The following MZT2A variants were observed in gnomAD, a reference collection of about 807,000 sequenced individuals.
MZT2A encodes mitotic-spindle organizing protein 2A.
Under a neutral mutation model 12.4 loss-of-function variants are expected in MZT2A, and 8 were observed. That is an observed-to-expected ratio of 0.64 (90% CI 0.38 to 1.16). MZT2A has a LOEUF of 1.16. Among genes scored for constraint, MZT2A ranks in the 50% most tolerant of loss-of-function variants. The probability of loss-of-function intolerance (pLI) is 0.01; values close to 1 mark genes in which losing one functional copy is unlikely to be tolerated. For missense variants in MZT2A, 181 were observed against 223.6 expected (o/e 0.81, Z 1.22); for synonymous variants, 88 against 107.5 (o/e 0.82, Z 1.12).
upstream of MZT2A, chr2:131,492,975 T>G: frequency 6.6e-7 from 1 of 1,523,402 alleles, no homozygotes; most frequent in Non-Finnish European, 8.9e-7. Context: ...CCGGCCTTCT[T>G]CGCTTTGCGC....
chr2:131,478,150 G>A (rs1239711878), intron 2 of MZT2A: 1 of 1,608,996 alleles, frequency 6.2e-7, no homozygotes, highest in South Asian at 1.1e-5. Context: ...TCACTTTTAT[G>A]TTCCTGTTCA....
upstream of MZT2A, among the ~76,000 whole-genome samples, chr2:131,493,403 T>G (rs1314967192): frequency 2.0e-5 from 3 of 152,134 alleles, no homozygotes; most frequent in African/African-American, 7.2e-5. Context: ...TTACCCGTCG[T>G]TGAAGGAATT....
chr2:131,478,244 T>C (rs1678740102), intron 2 of MZT2A: 2 of 1,614,082 alleles, frequency 1.2e-6, no homozygotes, highest in East Asian at 4.5e-5. Context: ...GCCTTGAACA[T>C]GGAATTCAGC....
chr2:131,489,885 C>T, intron 2 of MZT2A: 1 of 973,484 alleles, frequency 1.0e-6, no homozygotes, highest in Non-Finnish European at 1.2e-6. Flanking sequence ...CGCCCTCTGC[C>T]CTGAGAGCTA....
chr2:131,485,703 A>G lies in MZT2A; in HGVS notation c.320-1485T>C, dbSNP rs1369425523. Among the ~76,000 whole-genome samples, 5 of 152,126 alleles carry G rather than the reference A, an allele frequency of 3.3e-5. No homozygotes were observed. In the South Asian group the frequency reaches 1.0e-3, roughly 31 times the overall value. ...CAAGGGTTCAGCCAACAGAACACCC[A>G]GCCTCAATCCTGGTCCTTCCCTGGC... On this transcript the variant is annotated intron_variant, in intron 2 of 2. Transcript: ENST00000309451.
downstream of MZT2A, chr2:131,479,450 C>G (rs1027628496): frequency 3.1e-6 from 5 of 1,613,930 alleles, no homozygotes; most frequent in Non-Finnish European, 4.2e-6. Context: ...ACCGGATCCG[C>G]AAACTGGTAA....
chr2:131,492,403 C>CCGCCCCGCCG, upstream of MZT2A: 3 of 1,232,754 alleles, frequency 2.4e-6, no homozygotes, highest in Non-Finnish European at 3.0e-6. Flanking sequence ...AAGGTGCGCC[C>CCGCCCCGCCG]CGCCCCGCCG....
At chr2:131,486,116 A>T (rs1057351558) in intron 2 of MZT2A, among the ~76,000 whole-genome samples, 4 of 150,606 alleles carry the variant, frequency 2.7e-5, no homozygotes, top group Non-Finnish European at 4.4e-5. Flanking sequence ...GGTTGCCCTG[A>T]GCCAAGGAGG....
chr2:131,475,319 C>CTT lies in MZT2A; in HGVS notation c.279-3139_279-3138dup, dbSNP rs551443616. Among the ~76,000 whole-genome samples, 191 of 94,526 alleles carry CTT rather than the reference C, an allele frequency of 2.0e-3. 10 individuals carry two copies. Among genetic ancestry groups the CTT allele is most frequent in the East Asian group, 1.0e-2 (21 of 2,102 alleles). 62.0% of individuals were successfully genotyped at this position (94,526 alleles called of 152,430 possible). A position where few individuals can be genotyped will look rare whatever the true frequency, so the allele number is the denominator to read the frequency against. ...TACGTTAATTTTGCCTCCTTTCTTC[C>CTT]TTTTTTTTTTTTTTTTTTTTTTTTT... On this transcript the variant is annotated intron_variant and NMD_transcript_variant, in intron 2 of 4. Transcript: ENST00000427024.
chr2:131,474,538 T>C (rs958835877), intron 2 of MZT2A, among the ~76,000 whole-genome samples: 1 of 150,826 alleles, frequency 6.6e-6, no homozygotes, highest in Non-Finnish European at 1.5e-5. Flanking sequence ...GCCTCCCAAG[T>C]AGCTGGGACT....
At chr2:131,492,796 G>GGGGGGGGGGGGC, upstream of MZT2A, 6 of 853,176 alleles carry the variant, frequency 7.0e-6, no homozygotes, top group African/African-American at 1.8e-5. Flanking sequence ...GGGGTGGGGG[G>GGGGGGGGGGGGC]CACTAATCAA....
chr2:131,482,584 C>T (rs772685795), downstream of MZT2A: 47 of 1,612,690 alleles, frequency 2.9e-5, no homozygotes, highest in Middle Eastern at 4.9e-4. Context: ...CCACAGTGGT[C>T]CCCGGGGGAG....
In MZT2A at chr2:131,472,005, C is replaced by A. The variant is rs532056730; in HGVS notation, c.393+63G>T. The A allele has an allele frequency of 9.0e-3, 11,197 of 1,246,638 alleles. 55 individuals carry two copies. Among genetic ancestry groups the A allele is most frequent in the Non-Finnish European group, 1.0e-2 (9,559 of 958,216 alleles). 77.2% of individuals were successfully genotyped at this position (1,246,638 alleles called of 1,614,324 possible). On this transcript the variant is annotated intron_variant and NMD_transcript_variant, in intron 3 of 4. Coordinates refer to the MZT2A transcript ENST00000427024. Reference sequence around the variant, plus strand: ...GGAGGTCTTTAAACATCTGTATGAACAGAATCTTACAAAACTCTGCAAAGC... The same window carrying A: ...GGAGGTCTTTAAACATCTGTATGAAAAGAATCTTACAAAACTCTGCAAAGC...
At chr2:131,472,753 A>G (rs541135685) in intron 2 of MZT2A, among the ~76,000 whole-genome samples, 26 of 152,226 alleles carry the variant, frequency 1.7e-4, no homozygotes, top group Non-Finnish European at 2.5e-4. Flanking sequence ...ATGTTCTCAC[A>G]TCAACGAAAT....
intron 2 of MZT2A, chr2:131,478,593 G>T: frequency 1.1e-6 from 1 of 877,666 alleles, no homozygotes; most frequent in South Asian, 1.9e-5. Context: ...TGACCTACAG[G>T]GAAAAGCTGC....
chr2:131,488,403 G>C (rs912678814), intron 2 of MZT2A, among the ~76,000 whole-genome samples: 1 of 152,100 alleles, frequency 6.6e-6, no homozygotes, highest in Non-Finnish European at 1.5e-5. Flanking sequence ...TGCATGGCTG[G>C]GGGACAGGCA....
At chr2:131,478,042 T>C (rs1678733411) in intron 2 of MZT2A, 3 of 1,348,102 alleles carry the variant, frequency 2.2e-6, no homozygotes, top group Non-Finnish European at 3.0e-6. Context: ...CTAGGAAATA[T>C]CGATTGTGAA....
intron 2 of MZT2A, chr2:131,490,553 C>T (rs930734265): frequency 1.3e-6 from 2 of 1,494,294 alleles, no homozygotes; most frequent in African/African-American, 2.8e-5. Flanking sequence ...CTCTAATAAA[C>T]CGAGTCAGAA....
At chr2:131,470,462 G>A (rs2105262217) in intron 3 of MZT2A, 1 of 368,932 alleles carries the variant, frequency 2.7e-6, no homozygotes, top group Middle Eastern at 7.7e-4. Context: ...ACAGATTAAA[G>A]CCACAGATGG....
Sources: allele counts gnomAD v4.1 joint callset (sites outside exome capture counted in the v4.1 genomes callset), GRCh38; gene constraint gnomAD v4.1.1; transcripts MANE v1.5; gene names NCBI Gene and HGNC (gene_info 2026-07-23, HGNC 2026-07-21).